The following SLC9B2 variants were observed in gnomAD, a reference collection of about 807,000 sequenced individuals.
The protein encoded by SLC9B2 is solute carrier family 9 member B2.
In SLC9B2, 39 loss-of-function variants were observed where a neutral mutation model predicts 52.2. The observed-to-expected ratio is 0.75, with a 90% CI of 0.58 to 0.98. The LOEUF is 0.98. Among genes scored for constraint, SLC9B2 ranks in the 50% least tolerant of loss-of-function variants. The probability of loss-of-function intolerance (pLI) is 0.00; values close to 1 mark genes in which losing one functional copy is unlikely to be tolerated. For synonymous variants in SLC9B2, 214 were observed against 227.0 expected (o/e 0.94, Z 0.51); for missense variants, 626 against 637.5 (o/e 0.98, Z 0.19).
At chr4:103,042,998 C>T (rs947862976) in intron 9 of SLC9B2, among the ~76,000 whole-genome samples, 3 of 151,490 alleles carry the variant, frequency 2.0e-5, no homozygotes, top group Non-Finnish European at 4.4e-5. Flanking sequence ...TTTATCTTGG[C>T]AGAAAACTAG....
intron 4 of SLC9B2, among the ~76,000 whole-genome samples, chr4:103,052,185 T>TC (rs1744747387): frequency 6.6e-6 from 1 of 152,222 alleles, no homozygotes; most frequent in African/African-American, 2.4e-5. Flanking sequence ...GATGAAGCTT[T>TC]CCACCTCAGA....
At chr4:103,062,392 C>G (rs1235029822) in intron 3 of SLC9B2, among the ~76,000 whole-genome samples, 1 of 149,978 alleles carries the variant, frequency 6.7e-6, no homozygotes, top group Non-Finnish European at 1.5e-5. Context: ...GCACTCCAGC[C>G]TGGGCAACAG....
intron 9 of SLC9B2, among the ~76,000 whole-genome samples, chr4:103,040,875 G>A (rs1251481884): frequency 1.3e-5 from 2 of 152,122 alleles, no homozygotes; most frequent in Admixed American, 6.6e-5. Context: ...AATTAATTAC[G>A]TGCAAATTCT....
At chr4:103,061,572 A>C (rs551664119) in intron 3 of SLC9B2, among the ~76,000 whole-genome samples, 1 of 152,262 alleles carries the variant, frequency 6.6e-6, no homozygotes, top group Non-Finnish European at 1.5e-5. Flanking sequence ...TGACGAGTTA[A>C]TGGGTGCTGC....
At chr4:103,032,444 T>C (rs1406567010) in intron 9 of SLC9B2, among the ~76,000 whole-genome samples, 1 of 152,114 alleles carries the variant, frequency 6.6e-6, no homozygotes, top group Non-Finnish European at 1.5e-5. Context: ...CAGCTCCTCT[T>C]TCACTGTTGC....
chr4:103,046,232 A>C (rs150601881), intron 7 of SLC9B2, among the ~76,000 whole-genome samples: 41 of 152,360 alleles, frequency 2.7e-4, no homozygotes, highest in Non-Finnish European at 5.1e-4. Context: ...AGCTAAACTT[A>C]GATTACAATT....
rs1298343847 is a variant in SLC9B2, at chr4:103,024,196, A to G, written c.*2174T>C. Among the ~76,000 whole-genome samples the G allele has an allele frequency of 6.6e-6, 1 of 152,216 alleles. No individual in the cohort carries two copies. Among genetic ancestry groups the G allele is most frequent in the East Asian group, 1.9e-4 (1 of 5,198 alleles). ...CTGTTAAATCCTTAAGGACAGGGAC[A>G]ATATTATTCTTGATGATGTGCCTGG... On this transcript the variant is annotated 3_prime_UTR_variant, in exon 12 of 12. Coordinates refer to ENST00000394785, the MANE Select transcript of SLC9B2 (RefSeq NM_178833.7).
At chr4:103,048,426 C>G (rs1744364838) in intron 6 of SLC9B2, among the ~76,000 whole-genome samples, 1 of 152,174 alleles carries the variant, frequency 6.6e-6, no homozygotes, top group African/African-American at 2.4e-5. Flanking sequence ...CTCTTATTAG[C>G]ACTAAATTCT....
chr4:103,039,500 C>A (rs2110593420), intron 9 of SLC9B2, among the ~76,000 whole-genome samples: 1 of 152,144 alleles, frequency 6.6e-6, no homozygotes, highest in South Asian at 2.1e-4. Flanking sequence ...AAACTCAGGA[C>A]TTTGGTTTGG....
rs190285367 is a variant in SLC9B2, at chr4:103,050,993, C to A, written c.443-611G>T. Among the ~76,000 whole-genome samples the A allele has an allele frequency of 2.0e-3, 302 of 152,132 alleles. 2 individuals are homozygous for A. Among genetic ancestry groups the A allele is most frequent in the African/African-American group, 7.1e-3 (294 of 41,462 alleles). ...CATATAATAATGGATTACATTTCAA[C>A]AAGCTTTCAGCCTCTAGGGAACAAG... is the stretch of plus-strand genomic sequence containing the variant. On this transcript the variant is annotated intron_variant, in intron 4 of 11. Transcript: ENST00000394785.
At chr4:103,035,634 T>G (rs1023859311) in intron 9 of SLC9B2, among the ~76,000 whole-genome samples, 1 of 152,110 alleles carries the variant, frequency 6.6e-6, no homozygotes, top group Non-Finnish European at 1.5e-5. Flanking sequence ...AAATAACAGA[T>G]GATGGTGAGG....
At position 103,076,753 on chromosome 4, in the gene SLC9B2, C is replaced by G. The variant is rs1356016102; in HGVS notation, c.-612G>C. 6.6e-6 allele frequency: 1 copy of G among 152,286 alleles called. No individual in the cohort carries two copies. The allele number at this position is 152,286 out of a possible 1,614,324, so 9.4% of individuals were successfully genotyped here. On this transcript the variant is annotated 5_prime_UTR_variant, in exon 1 of 12. Transcript: ENST00000394785. ...AGCGCGGACCCAGGCGCCGAGTCTT[C>G]CCGGAGATGACGAGACACCGCGAGA...
chr4:103,018,569 A>G (rs556609080), downstream of SLC9B2, among the ~76,000 whole-genome samples: 5 of 152,156 alleles, frequency 3.3e-5, no homozygotes, highest in South Asian at 6.2e-4. Flanking sequence ...AAGGAAAATC[A>G]GAGAGTGGGG....
chr4:103,044,934 AT>A lies in SLC9B2; in HGVS notation c.951del (p.Ser318LeufsTer32). 1 of 1,613,922 alleles carries A rather than the reference AT, an allele frequency of 6.2e-7. No individual in the cohort carries two copies. On this transcript the variant is annotated frameshift_variant, in exon 8 of 12. Coordinates refer to ENST00000394785, the MANE Select transcript of SLC9B2 (RefSeq NM_178833.7). Reference protein sequence around the residue: ...VLEVVIGVATGSVLGFFIQYF... With the variant: ...VLEVVIGVATXSVLGFFIQYF... ...TACTGAATGAAAAATCCAAGAACAG[AT>A]CCAGTTGCCACACCAATTACCACCT... is the stretch of plus-strand genomic sequence containing the variant.
chr4:103,069,151 AT>A (rs1185193697), intron 1 of SLC9B2, among the ~76,000 whole-genome samples: 1 of 152,224 alleles, frequency 6.6e-6, no homozygotes, highest in Admixed American at 6.5e-5. Flanking sequence ...TAGACTGATA[AT>A]AAAAAAGTCA....
intron 4 of SLC9B2, among the ~76,000 whole-genome samples, chr4:103,057,454 T>TC (rs1372116971): frequency 6.6e-6 from 1 of 151,660 alleles, no homozygotes; most frequent in Non-Finnish European, 1.5e-5. Flanking sequence ...CAGGTGCACG[T>TC]CACCATGCCC....
Position 103,047,475 on chromosome 4 carries a change from G to A in SLC9B2, c.714-249C>T, listed in dbSNP as rs534198543. On this transcript the variant is annotated intron_variant, in intron 6 of 11. Coordinates refer to ENST00000394785, the MANE Select transcript of SLC9B2 (RefSeq NM_178833.7). ...TGTTACATATGTATACATGTGCCAT[G>A]TTGTTCTGCTGCACCCATTAACTCG... Among the ~76,000 whole-genome samples the A allele has an allele frequency of 1.3e-3, 190 of 150,830 alleles. No homozygotes were observed. The Middle Eastern group carries it at 0.017, about 14-fold the overall frequency.
At chr4:103,048,399 A>T (rs1019716992) in intron 6 of SLC9B2, among the ~76,000 whole-genome samples, 2 of 152,204 alleles carry the variant, frequency 1.3e-5, no homozygotes, top group Non-Finnish European at 2.9e-5. Flanking sequence ...CCATGAGAAG[A>T]ATTTCTTACT....
intron 4 of SLC9B2, among the ~76,000 whole-genome samples, chr4:103,056,256 A>G (rs1745127383): frequency 6.7e-6 from 1 of 149,732 alleles, no homozygotes. Flanking sequence ...TTTCATTTTT[A>G]TCTTTTTTGA....
Sources: allele counts gnomAD v4.1 joint callset (sites outside exome capture counted in the v4.1 genomes callset), GRCh38; gene constraint gnomAD v4.1.1; transcripts MANE v1.5; gene names NCBI Gene and HGNC (gene_info 2026-07-23, HGNC 2026-07-21).